The following FOCAD variants were observed in gnomAD, a reference collection of about 807,000 sequenced individuals.
The protein encoded by FOCAD is KIAA1797.
FOCAD carries 198 observed loss-of-function variants against 225.6 expected under a neutral mutation model. The ratio of observed to expected loss-of-function variants is 0.88; its 90% confidence interval spans 0.78 to 0.99. The LOEUF (loss-of-function observed/expected upper bound fraction) is 0.99, where lower values mean the gene tolerates loss of function less well. Among genes scored for constraint, FOCAD ranks in the 50% least tolerant of loss-of-function variants. The pLI is 0.00. For missense variants in FOCAD, 2,713 were observed against 2,123.6 expected, an observed-to-expected ratio of 1.28 and a Z score of -5.46; for synonymous variants, 897 against 755.0, an observed-to-expected ratio of 1.19 and a Z score of -3.08.
chr9:20,895,458 A>G lies in FOCAD; in HGVS notation c.2625+10228A>G, dbSNP rs75303888. On this transcript the variant is annotated intron_variant, in intron 21 of 43. Coordinates refer to ENST00000338382, the MANE Select transcript of FOCAD (RefSeq NM_001375567.1). ...TTTCAAAAATCCATGAACCTGGAAT[A>G]TTTCTCTATTTATTTCATTCATTAT... Among the ~76,000 whole-genome samples the G allele has an allele frequency of 4.8e-4, 73 of 151,964 alleles. 2 individuals carry two copies. In the East Asian group the frequency reaches 8.7e-3, roughly 18 times the overall value.
At chr9:20,884,652 A>G (rs1280007361) in intron 20 of FOCAD, among the ~76,000 whole-genome samples, 4 of 152,072 alleles carry the variant, frequency 2.6e-5, no homozygotes, top group African/African-American at 9.7e-5. Context: ...TATTCCTTAT[A>G]TATAAATGGT....
intron 6 of FOCAD, 88 bp from the exon 7 acceptor site, chr9:20,764,781 G>T: frequency 1.0e-6 from 1 of 978,300 alleles, no homozygotes. Flanking sequence ...ATTATGTTAT[G>T]TCATGAACTA....
intron 1 of FOCAD, among the ~76,000 whole-genome samples, chr9:20,702,419 A>G (rs7023131): frequency 0.48 from 72,739 of 152,026 alleles, 17,761 homozygotes; most frequent in Non-Finnish European, 0.52. Context: ...TTAGTTTTAC[A>G]AAAACTTTAA....
At chr9:20,725,515 A>T (rs2131578132) in intron 4 of FOCAD, among the ~76,000 whole-genome samples, 1 of 152,292 alleles carries the variant, frequency 6.6e-6, no homozygotes, top group South Asian at 2.1e-4. Context: ...AGCTTATTGA[A>T]TTTTTTCAGC....
At chr9:20,785,101 T>G (rs1421321323) in intron 10 of FOCAD, among the ~76,000 whole-genome samples, 8 of 152,118 alleles carry the variant, frequency 5.3e-5, no homozygotes, top group African/African-American at 1.9e-4. Context: ...TATTAACTGG[T>G]TTGATTTTAT....
intron 29 of FOCAD, 86 bp downstream of exon 29, chr9:20,944,860 A>C: frequency 7.3e-7 from 1 of 1,367,464 alleles, no homozygotes; most frequent in Non-Finnish European, 9.8e-7. Context: ...ATATTTTGGT[A>C]ACCCTATAAA....
At chr9:20,922,282 A>G (rs1834510026) in intron 24 of FOCAD, among the ~76,000 whole-genome samples, 1 of 152,000 alleles carries the variant, frequency 6.6e-6, no homozygotes, top group Non-Finnish European at 1.5e-5. Context: ...AACCCTCCCC[A>G]TTATAAACGT....
chr9:20,770,555 T>A (rs1296110913), intron 8 of FOCAD, among the ~76,000 whole-genome samples: 1 of 152,186 alleles, frequency 6.6e-6, no homozygotes, highest in Non-Finnish European at 1.5e-5. Context: ...GCTAAACCAT[T>A]CATGAGGAAC....
chr9:20,693,045 C>G (rs1231890787), intron 1 of FOCAD, among the ~76,000 whole-genome samples: 1 of 152,186 alleles, frequency 6.6e-6, no homozygotes, highest in Non-Finnish European at 1.5e-5. Flanking sequence ...GATCTCTTCT[C>G]TGCCCCAAAC....
At chr9:20,842,447 GT>G (rs1419585975) in intron 15 of FOCAD, among the ~76,000 whole-genome samples, 1 of 151,726 alleles carries the variant, frequency 6.6e-6, no homozygotes, top group Non-Finnish European at 1.5e-5. Context: ...TATATGTATA[GT>G]TTTTTTATCC....
At chr9:20,909,894 T>C (rs955667043) in intron 22 of FOCAD, among the ~76,000 whole-genome samples, 1 of 152,120 alleles carries the variant, frequency 6.6e-6, no homozygotes, top group Non-Finnish European at 1.5e-5. Context: ...TACAGTTACT[T>C]CCATCTGGTG....
chr9:20,984,672 T>C (rs1280736008), intron 39 of FOCAD, among the ~76,000 whole-genome samples: 1 of 152,184 alleles, frequency 6.6e-6, no homozygotes, highest in Non-Finnish European at 1.5e-5. Flanking sequence ...GTGAAGTATG[T>C]GAAGAAATTC....
intron 26 of FOCAD, chr9:20,929,148 A>T: frequency 2.0e-6 from 1 of 507,828 alleles, no homozygotes. Context: ...TTAAAAGGAT[A>T]TTATTAATTA....
At chr9:20,983,727 G>A (rs555603646) in intron 39 of FOCAD, among the ~76,000 whole-genome samples, 10 of 152,096 alleles carry the variant, frequency 6.6e-5, no homozygotes, top group Admixed American at 1.3e-4. Context: ...CTAGCAATGC[G>A]ATCTTGGTTA....
At chr9:20,915,599 G>T (rs754530604) in intron 23 of FOCAD, among the ~76,000 whole-genome samples, 1 of 152,150 alleles carries the variant, frequency 6.6e-6, no homozygotes, top group Non-Finnish European at 1.5e-5. Context: ...GATCTAGAGA[G>T]AGTGGAAGGA....
chr9:20,828,024 T>A (rs926979849), intron 15 of FOCAD, among the ~76,000 whole-genome samples: 3 of 151,806 alleles, frequency 2.0e-5, no homozygotes, highest in Non-Finnish European at 2.9e-5. Context: ...TATGAAAAAT[T>A]AGCTGGGCAT....
intron 15 of FOCAD, among the ~76,000 whole-genome samples, chr9:20,849,098 T>C (rs1827399435): frequency 6.6e-6 from 1 of 151,956 alleles, no homozygotes; most frequent in Non-Finnish European, 1.5e-5. Context: ...TAAAAAAGGA[T>C]TTTATTAATG....
At chr9:20,690,471 C>T (rs1822906928) in intron 1 of FOCAD, among the ~76,000 whole-genome samples, 1 of 152,156 alleles carries the variant, frequency 6.6e-6, no homozygotes, top group Admixed American at 6.5e-5. Flanking sequence ...CCACTTTAAT[C>T]AGGCTTTCTC....
Position 20,696,382 on chromosome 9 carries a change from T to C in FOCAD, c.-33+12089T>C, listed in dbSNP as rs186017916. 9.1e-4 allele frequency among the ~76,000 whole-genome samples: 138 copies of C among 152,382 alleles called. 1 individual carries two copies. Among genetic ancestry groups the C allele is most frequent in the African/African-American group, 3.1e-3 (130 of 41,594 alleles). On this transcript the variant is annotated intron_variant, in intron 1 of 43. Coordinates refer to ENST00000338382, the MANE Select transcript of FOCAD (RefSeq NM_001375567.1). ...TAACAAGATGAGGTGATATGTTTGA[T>C]TGTGGAAATCATTTCACACTGTATA...
Sources: gnomAD v4.1 joint callset for allele counts (sites outside exome capture counted in the v4.1 genomes callset) on GRCh38, gnomAD v4.1.1 for gene constraint, MANE v1.5 for transcripts, NCBI Gene and HGNC (gene_info 2026-07-23, HGNC 2026-07-21) for gene names.